The following KCNK2 variants were observed in gnomAD, a reference collection of about 807,000 sequenced individuals.
KCNK2 encodes the protein potassium two pore domain channel subfamily K member 2.
A neutral mutation model predicts 40.5 loss-of-function variants in KCNK2; 21 were observed. The ratio of observed to expected loss-of-function variants is 0.52; its 90% CI spans 0.37 to 0.75. The LOEUF is 0.75. Ranked by LOEUF, KCNK2 falls within the 30% of genes least tolerant of loss-of-function variation. KCNK2 has a pLI of 0.00. For missense variants in KCNK2, 399 were observed against 531.6 expected (o/e 0.75, Z 2.45); for synonymous variants, 191 against 202.2 (o/e 0.94, Z 0.47).
At chr1:215,183,161 C>T (rs1011005362) in intron 5 of KCNK2, among the ~76,000 whole-genome samples, 4 of 152,214 alleles carry the variant, frequency 2.6e-5, no homozygotes, top group Admixed American at 2.0e-4. Context: ...CTGAAGCACA[C>T]TAAAAGCCAT....
intron 1 of KCNK2, among the ~76,000 whole-genome samples, chr1:215,027,277 A>T (rs1174880397): frequency 6.6e-6 from 1 of 152,180 alleles, no homozygotes; most frequent in Non-Finnish European, 1.5e-5. Context: ...TTTTCAAATT[A>T]ATATTGAATA....
chr1:215,136,294 A>G (rs956652233), intron 3 of KCNK2, among the ~76,000 whole-genome samples: 1 of 151,280 alleles, frequency 6.6e-6, no homozygotes, highest in Non-Finnish European at 1.5e-5. Flanking sequence ...TCAGGGTCTC[A>G]TCATGTTGCC....
rs371312018 is a variant in KCNK2 at position 215,194,964 on chromosome 1, A to G, written c.835A>G (p.Ile279Val). 4 of 1,613,240 alleles carry G rather than the reference A, an allele frequency of 2.5e-6. No homozygotes were observed. The African/African-American group carries it at 4.0e-5, about 16-fold the overall frequency. ...TGTTTTGTCTCCAGGTGGATCCGATATTGAATATCTGGACTTCTATAAGCC... is the reference window on the plus strand; with the variant it reads ...TGTTTTGTCTCCAGGTGGATCCGATGTTGAATATCTGGACTTCTATAAGCC... ...FGDYVAGGSDIEYLDFYKPVV... is the reference protein window; with the variant it reads ...FGDYVAGGSDVEYLDFYKPVV... Residue 279 changes from isoleucine (I) to valine (V), a missense_variant, in exon 6 of 7, where the codon ATT becomes GTT. By Grantham distance (29) the Ile-to-Val change is conservative. This residue lies in a region of KCNK2 where 279 missense variants were observed against 353.8 expected (regional missense o/e 0.79). Coordinates refer to ENST00000444842, the MANE Select transcript of KCNK2 (RefSeq NM_001017425.3).
intron 1 of KCNK2, 184 bp downstream of exon 1, chr1:215,083,615 G>A (rs182999884): frequency 2.3e-5 from 14 of 607,970 alleles, no homozygotes; most frequent in African/African-American, 2.0e-4. Flanking sequence ...TCTCCACGCC[G>A]CTTCTCCCCC....
chr1:215,217,554 C>T (rs563129236), intron 6 of KCNK2, among the ~76,000 whole-genome samples: 2 of 152,256 alleles, frequency 1.3e-5, no homozygotes, highest in African/African-American at 2.4e-5. Flanking sequence ...AGCTGCTCAT[C>T]TCTAACTTGC....
chr1:215,083,209 CTCCCGCGTCCAGCCCCGCTCTCCCCA>C lies in KCNK2; in HGVS notation c.-176_-151del. ...CTTCTCACGCTCCCCCCCCCGCCCC[CTCCCGCGTCCAGCCCCGCTCTCCCCA>C]CCTTGTAAAACAAAGCCGGGGAAAA... On this transcript the variant is annotated 5_prime_UTR_variant, in exon 1 of 7. Coordinates refer to ENST00000444842, the MANE Select transcript of KCNK2 (RefSeq NM_001017425.3). The C allele has an allele frequency of 8.6e-7, 1 of 1,165,594 alleles. No homozygotes were observed. 72.2% of individuals were successfully genotyped at this position (1,165,594 alleles called of 1,614,324 possible). A position where few individuals can be genotyped will look rare whatever the true frequency, so the allele number is the denominator to read the frequency against.
At chr1:215,125,416 T>C (rs1221922882) in intron 3 of KCNK2, among the ~76,000 whole-genome samples, 1 of 152,154 alleles carries the variant, frequency 6.6e-6, no homozygotes, top group Admixed American at 6.6e-5. Flanking sequence ...ATGTTTGACA[T>C]CTTCTAAAGC....
chr1:215,210,374 T>C (rs1040730993), intron 6 of KCNK2, among the ~76,000 whole-genome samples: 1 of 151,766 alleles, frequency 6.6e-6, no homozygotes, highest in Non-Finnish European at 1.5e-5. Flanking sequence ...CAGGGCAGGG[T>C]AAGAATTGCT....
At chr1:215,200,532 A>T (rs1195285652) in intron 6 of KCNK2, among the ~76,000 whole-genome samples, 1 of 45,072 alleles carries the variant, frequency 2.2e-5, no homozygotes, top group Non-Finnish European at 1.5e-4. Context: ...CTTAGACTTT[A>T]TTCAGAAAAC....
chr1:215,143,949 T>A (rs1426135541), intron 3 of KCNK2, among the ~76,000 whole-genome samples: 1 of 152,158 alleles, frequency 6.6e-6, no homozygotes, highest in Non-Finnish European at 1.5e-5. Context: ...TGTCTACAAG[T>A]AATTTGCAAG....
chr1:215,007,087 GTATA>G lies in KCNK2; in HGVS notation c.34+1140_34+1143del, dbSNP rs201749435. ...TGTGTGTGTGTATATATATATGTGTGTATATATATATGTATATATATGTGTGTAT... is the reference window on the plus strand; with the variant it reads ...TGTGTGTGTGTATATATATATGTGTGTATATATGTATATATATGTGTGTAT... On this transcript the variant is annotated intron_variant, in intron 1 of 6. Coordinates refer to the KCNK2 transcript ENST00000391895. 2.0e-3 allele frequency among the ~76,000 whole-genome samples: 241 copies of G among 120,438 alleles called. 5 individuals carry two copies. Among genetic ancestry groups the G allele is most frequent in the South Asian group, 0.015 (56 of 3,696 alleles). 79.0% of individuals were successfully genotyped at this position (120,438 alleles called of 152,430 possible).
intron 6 of KCNK2, among the ~76,000 whole-genome samples, chr1:215,227,193 A>C (rs1013041054): frequency 2.0e-5 from 3 of 152,252 alleles, no homozygotes; most frequent in African/African-American, 4.8e-5. Flanking sequence ...TCATGAAGTC[A>C]GGAGAGCAAT....
rs1256780823 is a variant in KCNK2, at chr1:215,220,195, C to T, written c.964-14633C>T. On this transcript the variant is annotated intron_variant, in intron 6 of 6. Coordinates refer to ENST00000444842, the MANE Select transcript of KCNK2 (RefSeq NM_001017425.3). ...GAGAACCATGAATTCATACTGGTAT[C>T]TCTAGTTCCAATCTGATATAATAGA... Among the ~76,000 whole-genome samples the T allele has an allele frequency of 2.0e-4, 30 of 152,292 alleles. No individual in the cohort carries two copies. In the South Asian group the frequency reaches 6.2e-3, roughly 32 times the overall value.
intron 3 of KCNK2, among the ~76,000 whole-genome samples, chr1:215,149,967 T>C (rs1418554587): frequency 6.6e-6 from 1 of 152,182 alleles, no homozygotes; most frequent in African/African-American, 2.4e-5. Flanking sequence ...TAGGTATTGT[T>C]TAGATATCCA....
chr1:215,007,181 G>GTATATATA (rs1656198065), intron 1 of KCNK2, among the ~76,000 whole-genome samples: 3 of 64,434 alleles, frequency 4.7e-5, no homozygotes, highest in African/African-American at 2.4e-4. Context: ...ATGTATGTGT[G>GTATATATA]TGGGTATATA....
chr1:215,186,867 C>T (rs748811370), intron 5 of KCNK2, among the ~76,000 whole-genome samples: 1 of 152,190 alleles, frequency 6.6e-6, no homozygotes, highest in Non-Finnish European at 1.5e-5. Flanking sequence ...TATGAGTAAG[C>T]AGACCCCTGT....
intron 6 of KCNK2, among the ~76,000 whole-genome samples, chr1:215,199,197 A>G (rs991406662): frequency 3.3e-5 from 5 of 151,834 alleles, no homozygotes; most frequent in African/African-American, 1.2e-4. Context: ...AGTCCCAGCT[A>G]CTCAGGAGGC....
intron 2 of KCNK2, among the ~76,000 whole-genome samples, chr1:215,087,901 T>C (rs898139929): frequency 6.6e-6 from 1 of 152,248 alleles, no homozygotes; most frequent in Non-Finnish European, 1.5e-5. Context: ...TCAAGTTTTA[T>C]TGAAAGATAT....
chr1:215,162,742 A>G (rs988517820), intron 3 of KCNK2, among the ~76,000 whole-genome samples: 2 of 152,006 alleles, frequency 1.3e-5, no homozygotes, highest in African/African-American at 4.8e-5. Context: ...GATGTGTGGC[A>G]TTATATCTGA....
Sources: allele counts gnomAD v4.1 joint callset (sites outside exome capture counted in the v4.1 genomes callset), GRCh38; gene constraint gnomAD v4.1.1; regional missense constraint gnomAD v4.1.1; transcripts MANE v1.5; gene names NCBI Gene and HGNC (gene_info 2026-07-23, HGNC 2026-07-21).